The following SGF29 variants were observed in gnomAD, a reference collection of about 807,000 sequenced individuals.
SGF29 encodes the protein SAGA-associated factor 29.
SGF29 carries 15 observed loss-of-function variants against 38.1 expected under a neutral mutation model. That is an observed-to-expected ratio of 0.39 (90% CI 0.26 to 0.61). The LOEUF (loss-of-function observed/expected upper bound fraction) is 0.61. Ranked by LOEUF, SGF29 falls within the 20% of genes least tolerant of loss-of-function variation. The pLI is 0.49. For synonymous variants in SGF29, 151 were observed against 160.8 expected (o/e 0.94, Z 0.46); for missense variants, 184 against 394.6 (o/e 0.47, Z 4.52).
chr16:28,568,635 C>A (rs1383328055), intron 1 of SGF29, among the ~76,000 whole-genome samples: 1 of 152,004 alleles, frequency 6.6e-6, no homozygotes, highest in Non-Finnish European at 1.5e-5. Context: ...GGTTTCTTGG[C>A]CAGGAGCAGT....
At chr16:28,570,548 ATTTAT>A (rs1317977976) in intron 1 of SGF29, among the ~76,000 whole-genome samples, 1 of 59,462 alleles carries the variant, frequency 1.7e-5, no homozygotes, top group African/African-American at 1.8e-4. Context: ...TTTAAATTTT[ATTTAT>A]TTATTTATTT....
At chr16:28,560,960 C>CAAA (rs531139717) in intron 1 of SGF29, among the ~76,000 whole-genome samples, 9 of 89,240 alleles carry the variant, frequency 1.0e-4, no homozygotes, top group Admixed American at 1.1e-4. Context: ...GACTCTGTCT[C>CAAA]AAAAAAAAAA....
intron 1 of SGF29, among the ~76,000 whole-genome samples, chr16:28,568,689 T>G (rs1323438212): frequency 6.6e-6 from 1 of 151,946 alleles, no homozygotes; most frequent in East Asian, 1.9e-4. Context: ...CCGAGGGGGA[T>G]GGATCACGAG....
rs775701541 is a variant in SGF29 at position 28,590,338 on chromosome 16, C to T, written c.462C>T (p.Tyr154=). The T allele has an allele frequency of 3.0e-5, 48 of 1,612,964 alleles. No individual in the cohort carries two copies. Among genetic ancestry groups the T allele is most frequent in the Middle Eastern group, 1.6e-4 (1 of 6,070 alleles). Residue 154 remains tyrosine (Y), a synonymous_variant, in exon 7 of 10, where the codon TAC becomes TAT. Transcript: ENST00000317058. The surrounding 1 kb of genome is among the most constrained non-coding windows in gnomAD (Gnocchi z 8.2). ...LCGAIPASGD[Y]VARPGDKVAA... is the part of the protein sequence containing the mutation. ...GGGCCATCCCTGCCTCAGGAGACTACGTGGCCAGACCTGGAGACAAGGTGG... is the reference window on the plus strand; with the variant it reads ...GGGCCATCCCTGCCTCAGGAGACTATGTGGCCAGACCTGGAGACAAGGTGG...
chr16:28,591,562 C>A (rs2046991492), intron 9 of SGF29, 28 bp from the exon 10 acceptor site: 4 of 1,527,510 alleles, frequency 2.6e-6, no homozygotes, highest in Non-Finnish European at 3.6e-6. Context: ...GGTCTCTGAG[C>A]AGCCCCTCCT....
At chr16:28,574,987 A>C (rs1219564838) in intron 1 of SGF29, among the ~76,000 whole-genome samples, 2 of 152,238 alleles carry the variant, frequency 1.3e-5, no homozygotes, top group African/African-American at 2.4e-5. Flanking sequence ...AAAGGACTCC[A>C]AGATTTCCAG....
At chr16:28,555,056 A>G (rs1236283794) in intron 1 of SGF29, among the ~76,000 whole-genome samples, 3 of 152,204 alleles carry the variant, frequency 2.0e-5, no homozygotes, top group African/African-American at 7.2e-5. Context: ...CAGTGGTGTT[A>G]TTACAGCTCA....
intron 1 of SGF29, among the ~76,000 whole-genome samples, chr16:28,572,572 G>A (rs1336930090): frequency 6.6e-6 from 1 of 152,176 alleles, no homozygotes; most frequent in Non-Finnish European, 1.5e-5. Flanking sequence ...CCCGGTAGAA[G>A]GCCAGTTTCT....
chr16:28,589,122 A>C lies in SGF29; in HGVS notation c.247A>C (p.Lys83Gln). The C allele has an allele frequency of 6.2e-7, 1 of 1,614,144 alleles. No homozygotes were observed. Among genetic ancestry groups the C allele is most frequent in the Non-Finnish European group, 8.5e-7 (1 of 1,179,976 alleles). The change falls in exon 5 of 10, where the codon AAG becomes CAG. Residue 83 changes from lysine (K) to glutamine (Q), a missense_variant. Physicochemically the swap from Lys to Gln is moderately conservative, Grantham distance 53 (BLOSUM62 1). Around this residue, in one of 2 missense-constraint regions of SGF29, gnomAD observed 77 missense variants for 117.7 expected, o/e 0.65. Coordinates refer to ENST00000317058, the MANE Select transcript of SGF29 (RefSeq NM_138414.3). ...CAGCATCCTTCGGAAAGCTCTGGAC[A>C]AGATCGCGGAAATCAAGTCTCTGTT... ...ECNILRKALD[K>Q]IAEIKSLLEE...
At chr16:28,586,438 C>T (rs1009452483) in intron 4 of SGF29, among the ~76,000 whole-genome samples, 7 of 149,596 alleles carry the variant, frequency 4.7e-5, no homozygotes, top group Non-Finnish European at 1.0e-4. Context: ...AGGCAGGAGG[C>T]GGAGGTTGCA....
At chr16:28,591,213 C>T (rs1288901883) in intron 9 of SGF29, among the ~76,000 whole-genome samples, 9 of 152,192 alleles carry the variant, frequency 5.9e-5, no homozygotes, top group Admixed American at 2.0e-4. Context: ...GGGCTCCTAC[C>T]GCCTTGTGCT....
chr16:28,582,931 G>A (rs888910930), intron 2 of SGF29, among the ~76,000 whole-genome samples: 6 of 152,066 alleles, frequency 3.9e-5, no homozygotes, highest in East Asian at 1.9e-4. Context: ...GCGAAACTCC[G>A]TCTCAAAAAA....
chr16:28,581,022 C>T (rs1567290953), intron 1 of SGF29, 33 bp from the exon 2 acceptor site: 4 of 1,517,098 alleles, frequency 2.6e-6, no homozygotes, highest in Admixed American at 1.7e-5. Context: ...CAGCCACTAA[C>T]AGAGTTCTCT....
intron 1 of SGF29, among the ~76,000 whole-genome samples, chr16:28,564,642 T>C (rs1293016164): frequency 9.5e-4 from 104 of 109,580 alleles, no homozygotes; most frequent in African/African-American, 3.3e-3. Context: ...TACGTATATA[T>C]GTGTATATAT....
At chr16:28,559,359 C>T (rs138358734) in intron 1 of SGF29, among the ~76,000 whole-genome samples, 23 of 149,588 alleles carry the variant, frequency 1.5e-4, no homozygotes, top group African/African-American at 4.4e-4. Context: ...GTATGGCATG[C>T]GAATTATCTT....
chr16:28,587,749 C>T lies in SGF29; in HGVS notation c.225-1351C>T, dbSNP rs111744515. Among the ~76,000 whole-genome samples, 1,405 of 152,302 alleles carry T rather than the reference C, an allele frequency of 9.2e-3. 25 individuals are homozygous for T. Among genetic ancestry groups the T allele is most frequent in the African/African-American group, 0.032 (1,348 of 41,562 alleles). On this transcript the variant is annotated intron_variant, in intron 4 of 9. Transcript: ENST00000317058. ...AATGGACTGGGGTTTGCCATGGTAT[C>T]AGAGGAAAATAAAATGACCCAAAGT...
chr16:28,559,843 T>C (rs990332602), intron 1 of SGF29, among the ~76,000 whole-genome samples: 2 of 152,206 alleles, frequency 1.3e-5, no homozygotes, highest in African/African-American at 4.8e-5. Context: ...TAACTGCATG[T>C]TAACAGAAAC....
intron 4 of SGF29, among the ~76,000 whole-genome samples, chr16:28,587,434 C>G (rs1336614192): frequency 6.6e-6 from 1 of 152,250 alleles, no homozygotes; most frequent in Admixed American, 6.5e-5. Flanking sequence ...GGCTCTTTCT[C>G]CTTCTCTGCT....
At chr16:28,572,183 A>G (rs1462081171) in intron 1 of SGF29, among the ~76,000 whole-genome samples, 3 of 151,624 alleles carry the variant, frequency 2.0e-5, no homozygotes, top group Non-Finnish European at 4.4e-5. Flanking sequence ...TCACTGTGTT[A>G]GCCAGGATTG....
Sources: allele counts gnomAD v4.1 joint callset (sites outside exome capture counted in the v4.1 genomes callset), GRCh38; gene constraint gnomAD v4.1.1; regional missense constraint gnomAD v4.1.1; non-coding constraint Gnocchi (gnomAD v3.1); transcripts MANE v1.5; gene names NCBI Gene and HGNC (gene_info 2026-07-23, HGNC 2026-07-21).